The following PDHX variants were observed in gnomAD, a reference collection of about 807,000 sequenced individuals.
PDHX encodes the protein pyruvate dehydrogenase complex component X, also known as pyruvate dehydrogenase protein X component, mitochondrial.
A neutral mutation model predicts 55.3 loss-of-function variants in PDHX; 33 were observed. That is an observed-to-expected ratio of 0.60 (90% CI 0.45 to 0.80). The LOEUF is 0.80. Among genes scored for constraint, PDHX ranks in the 30% least tolerant of loss-of-function variants. The probability of loss-of-function intolerance (pLI) is 0.00; values close to 1 mark genes in which losing one functional copy is unlikely to be tolerated. For missense variants in PDHX, 622 were observed against 619.9 expected (o/e 1.00, Z -0.04); for synonymous variants, 226 against 219.4 (o/e 1.03, Z -0.27).
chr11:34,938,480 T>A (rs2133953573), intron 2 of PDHX, among the ~76,000 whole-genome samples: 1 of 152,372 alleles, frequency 6.6e-6, no homozygotes, highest in South Asian at 2.1e-4. Context: ...TTATAAATAA[T>A]GTAATCAGTT....
At chr11:34,968,846 T>C (rs1016400048) in intron 6 of PDHX, among the ~76,000 whole-genome samples, 3 of 152,242 alleles carry the variant, frequency 2.0e-5, no homozygotes, top group Non-Finnish European at 4.4e-5. Context: ...CACTTCATTT[T>C]AAAACAATCT....
rs183948133 is a variant in PDHX, at chr11:34,985,970, G to T, written c.1182+1242G>T. Among the ~76,000 whole-genome samples, 239 of 152,260 alleles carry T rather than the reference G, an allele frequency of 1.6e-3. 1 individual carries two copies. The highest frequency in any genetic ancestry group is 2.8e-3 in the Non-Finnish European group (190 of 68,006). ...GTCTTTCTTCCCTCCTCTTTGAAAA[G>T]ATTTGCAGAAAGTGTTTGATCGATA... On this transcript the variant is annotated intron_variant, in intron 9 of 10. Coordinates refer to ENST00000227868, the MANE Select transcript of PDHX (RefSeq NM_003477.3).
chr11:34,924,989 C>T (rs1443794618), intron 1 of PDHX, among the ~76,000 whole-genome samples: 1 of 152,162 alleles, frequency 6.6e-6, no homozygotes, highest in Non-Finnish European at 1.5e-5. Context: ...TCAGTGTTTA[C>T]ATTAAACAAA....
intron 10 of PDHX, among the ~76,000 whole-genome samples, chr11:34,993,450 T>G (rs1467591482): frequency 6.6e-6 from 1 of 152,182 alleles, no homozygotes; most frequent in Non-Finnish European, 1.5e-5. Context: ...TAGATCACAA[T>G]TCAACTGAAA....
upstream of PDHX, chr11:34,916,525 G>GGT (rs754980282): frequency 1.3e-4 from 153 of 1,141,774 alleles, no homozygotes; most frequent in African/African-American, 5.4e-3. Context: ...TGGGTTGGGG[G>GGT]GCGGGGGTTC....
At chr11:34,945,701 G>A (rs1854604955) in intron 2 of PDHX, among the ~76,000 whole-genome samples, 1 of 151,848 alleles carries the variant, frequency 6.6e-6, no homozygotes, top group Non-Finnish European at 1.5e-5. Flanking sequence ...ATCTAATATG[G>A]ATTCATGTTT....
intron 2 of PDHX, among the ~76,000 whole-genome samples, chr11:34,935,421 C>T (rs1196791175): frequency 6.6e-6 from 1 of 152,150 alleles, no homozygotes; most frequent in Non-Finnish European, 1.5e-5. Flanking sequence ...AGTGCTTATA[C>T]AGAAGGATAG....
intron 9 of PDHX, among the ~76,000 whole-genome samples, chr11:34,985,912 T>G (rs1855631632): frequency 6.6e-6 from 1 of 152,186 alleles, no homozygotes; most frequent in African/African-American, 2.4e-5. Context: ...TAGATATAAT[T>G]AAAGGTGAAC....
At chr11:34,916,210 C>T (rs774655472), upstream of PDHX, 126 of 1,605,958 alleles carry the variant, frequency 7.8e-5, no homozygotes, top group East Asian at 2.8e-3. Flanking sequence ...TACCGGGCAC[C>T]GGTGGCCCCG....
intron 6 of PDHX, among the ~76,000 whole-genome samples, chr11:34,968,129 G>A (rs985730002): frequency 6.6e-5 from 10 of 151,954 alleles, no homozygotes; most frequent in African/African-American, 2.4e-4. Context: ...AAAATCAGCT[G>A]GATGTGGTAG....
intron 7 of PDHX, among the ~76,000 whole-genome samples, chr11:34,974,022 T>C (rs1033144998): frequency 7.9e-5 from 12 of 152,338 alleles, no homozygotes; most frequent in Non-Finnish European, 1.5e-4. Context: ...TTTTAAAGTG[T>C]AGTTGAATAT....
At chr11:34,919,987 A>G (rs770359979) in intron 1 of PDHX, among the ~76,000 whole-genome samples, 1 of 152,232 alleles carries the variant, frequency 6.6e-6, no homozygotes, top group Non-Finnish European at 1.5e-5. Context: ...GTATGATTTC[A>G]ATAGTGTATA....
intron 1 of PDHX, among the ~76,000 whole-genome samples, chr11:34,927,744 A>G (rs1854057610): frequency 6.6e-6 from 1 of 152,144 alleles, no homozygotes. Flanking sequence ...ATTAGTTAGA[A>G]TAACTACAAA....
In PDHX at chr11:34,975,737, T is replaced by G. The variant is rs73447488; in HGVS notation, c.965-2387T>G. Reference sequence around the variant, plus strand: ...ATCACTCTTTGGCATTCAGTTCACCTGTTTGCTTTGTAACCTCCGCTCCCT... The same window carrying G: ...ATCACTCTTTGGCATTCAGTTCACCGGTTTGCTTTGTAACCTCCGCTCCCT... On this transcript the variant is annotated intron_variant, in intron 7 of 10. Transcript: ENST00000227868. Among the ~76,000 whole-genome samples the G allele has an allele frequency of 9.7e-3, 1,482 of 152,312 alleles. 23 individuals are homozygous for G. Among genetic ancestry groups the G allele is most frequent in the African/African-American group, 0.034 (1,409 of 41,562 alleles).
intron 1 of PDHX, among the ~76,000 whole-genome samples, chr11:34,929,313 C>G (rs1007504125): frequency 2.0e-5 from 3 of 152,166 alleles, no homozygotes; most frequent in African/African-American, 7.2e-5. Flanking sequence ...TCACTGCAAC[C>G]ATCTCCTCCC....
At chr11:34,985,279 A>G (rs950207678) in intron 9 of PDHX, among the ~76,000 whole-genome samples, 16 of 152,128 alleles carry the variant, frequency 1.1e-4, no homozygotes, top group African/African-American at 3.6e-4. Flanking sequence ...CATCTCTACT[A>G]AAAATACGAA....
chr11:34,921,289 C>CA (rs1565146421), intron 1 of PDHX, among the ~76,000 whole-genome samples: 1 of 151,978 alleles, frequency 6.6e-6, no homozygotes, highest in East Asian at 1.9e-4. Flanking sequence ...TACAGACTTG[C>CA]AATTATCAAT....
At chr11:34,936,694 C>T (rs1380001090) in intron 2 of PDHX, among the ~76,000 whole-genome samples, 5 of 151,320 alleles carry the variant, frequency 3.3e-5, no homozygotes, top group Non-Finnish European at 5.9e-5. Context: ...TGCCAATCTG[C>T]AGTTTATCAG....
At chr11:34,962,639 G>A (rs1334073082) in intron 5 of PDHX, among the ~76,000 whole-genome samples, 2 of 152,138 alleles carry the variant, frequency 1.3e-5, no homozygotes, top group Non-Finnish European at 2.9e-5. Flanking sequence ...AGGGAAACTA[G>A]AGGTTAAAAT....
Sources: gnomAD v4.1 joint callset for allele counts (sites outside exome capture counted in the v4.1 genomes callset) on GRCh38, gnomAD v4.1.1 for gene constraint, MANE v1.5 for transcripts, NCBI Gene and HGNC (gene_info 2026-07-23, HGNC 2026-07-21) for gene names.